The following PTPRG variants were observed in gnomAD, a reference collection of about 807,000 sequenced individuals.
PTPRG encodes protein tyrosine phosphatase receptor type G, also known as receptor-type tyrosine-protein phosphatase gamma.
PTPRG carries 102 observed loss-of-function variants against 165.3 expected under a neutral mutation model. That is an observed-to-expected ratio of 0.62 (90% CI 0.53 to 0.73). PTPRG has a LOEUF of 0.73. Among genes scored for constraint, PTPRG ranks in the 30% least tolerant of loss-of-function variants. PTPRG has a pLI of 0.00. For missense variants in PTPRG, 1,866 were observed against 1,861.4 expected (o/e 1.00, Z -0.05); for synonymous variants, 675 against 669.5 (o/e 1.01, Z -0.13).
chr3:61,691,795 A>C (rs1185280764), intron 1 of PTPRG, among the ~76,000 whole-genome samples: 1 of 152,228 alleles, frequency 6.6e-6, no homozygotes, highest in African/African-American at 2.4e-5. Context: ...TATTTCAGTA[A>C]AATTTTAATA....
chr3:61,621,013 C>A (rs1701435204), intron 1 of PTPRG, among the ~76,000 whole-genome samples: 1 of 125,142 alleles, frequency 8.0e-6, no homozygotes, highest in African/African-American at 2.7e-5. Flanking sequence ...AAATTTGGAC[C>A]CATGCCCCAG....
intron 1 of PTPRG, among the ~76,000 whole-genome samples, chr3:61,694,026 A>G (rs1160619862): frequency 2.7e-5 from 3 of 112,952 alleles, no homozygotes; most frequent in Non-Finnish European, 5.7e-5. Flanking sequence ...AAAAAAAAAA[A>G]GAGAGAGAGA....
chr3:61,685,691 A>G (rs1703603121), intron 1 of PTPRG, among the ~76,000 whole-genome samples: 1 of 152,222 alleles, frequency 6.6e-6, no homozygotes, highest in African/African-American at 2.4e-5. Flanking sequence ...TGCTAGGGCT[A>G]GCTAGAGATA....
intron 2 of PTPRG, among the ~76,000 whole-genome samples, chr3:61,863,413 G>GA (rs374245655): frequency 2.6e-5 from 4 of 151,878 alleles, no homozygotes; most frequent in East Asian, 1.9e-4. Flanking sequence ...ATTAGATAGG[G>GA]AAAAAAAACT....
At chr3:61,982,262 G>A (rs547206371) in intron 2 of PTPRG, among the ~76,000 whole-genome samples, 1 of 152,172 alleles carries the variant, frequency 6.6e-6, no homozygotes, top group East Asian at 1.9e-4. Flanking sequence ...AACTTTGTTA[G>A]TATCTCAGAT....
At position 62,281,650 on chromosome 3, in the gene PTPRG, C is replaced by T; in HGVS notation, c.3853C>T (p.Leu1285=). 6.2e-7 allele frequency: 1 copy of T among 1,607,104 alleles called. No homozygotes were observed. Among genetic ancestry groups the T allele is most frequent in the Non-Finnish European group, 8.5e-7 (1 of 1,176,848 alleles). ...CGTCACCCTTATCAGCAAAGACAGA[C>T]TGTGCCTCTCTAATGAAGAACAAAT... ...FTVTLISKDR[L]CLSNEEQIII... The change falls in exon 27 of 30, where the codon CTG becomes TTG. Residue 1285 remains leucine, a synonymous_variant. Transcript: ENST00000474889.
At chr3:62,276,240 G>C (rs1185562808) in intron 24 of PTPRG, among the ~76,000 whole-genome samples, 3 of 152,120 alleles carry the variant, frequency 2.0e-5, no homozygotes, top group African/African-American at 7.2e-5. Flanking sequence ...GTGTCAGCAA[G>C]TGCTCCATCT....
intron 1 of PTPRG, among the ~76,000 whole-genome samples, chr3:61,587,799 G>A (rs1053865808): frequency 5.3e-5 from 8 of 151,964 alleles, no homozygotes; most frequent in African/African-American, 1.9e-4. Context: ...CAGGACTACA[G>A]GTGCACACCA....
At chr3:61,781,573 A>G (rs950909002) in intron 2 of PTPRG, among the ~76,000 whole-genome samples, 2 of 152,160 alleles carry the variant, frequency 1.3e-5, no homozygotes, top group Non-Finnish European at 2.9e-5. Flanking sequence ...ATGAGGCAAA[A>G]TCACAGGCAA....
chr3:61,992,695 T>C (rs557398106), intron 3 of PTPRG, among the ~76,000 whole-genome samples: 1 of 152,278 alleles, frequency 6.6e-6, no homozygotes, highest in East Asian at 1.9e-4. Context: ...CTAATTTCTG[T>C]ATTTTTAGTA....
chr3:61,562,528 T>G (rs1699785286), intron 1 of PTPRG, among the ~76,000 whole-genome samples, 156 bp downstream of exon 1: 1 of 140,686 alleles, frequency 7.1e-6, no homozygotes. Flanking sequence ...ATTGCTCCGC[T>G]GGCTTGGATG....
Position 62,273,836 on chromosome 3 carries a change from C to T in PTPRG, c.3457C>T (p.Gln1153Ter). Residue 1153 changes from glutamine (Q) to a stop codon, truncating the protein, a stop_gained, in exon 23 of 30, where the codon CAA becomes TAA. Coordinates refer to ENST00000474889, the MANE Select transcript of PTPRG (RefSeq NM_002841.4). LOFTEE classifies it high-confidence loss of function. This position sits in a 1 kb window ranked among gnomAD's most constrained non-coding sequence, Gnocchi z 4.1. ...GVGGKTRLEK[Q>*]FKLVTQCNAK... is the part of the protein sequence containing the mutation. ...AGGAGGAAAGACACGACTGGAAAAG[C>T]AATTCAAGGTAGTGCTTTGAAAAAG... 6 of 1,613,622 alleles carry T rather than the reference C, an allele frequency of 3.7e-6. No individual in the cohort carries two copies. Among genetic ancestry groups the T allele is most frequent in the Non-Finnish European group, 5.1e-6 (6 of 1,179,700 alleles).
Position 62,296,610 on chromosome 3 carries a change from A to G in PTPRG, c.*3303A>G, listed in dbSNP as rs1703070213. ...CCTATGTTCTAAAGTTTATGTTCAA[A>G]TGGTGCCAGTGAATTTTTATATGAA... is the stretch of plus-strand genomic sequence containing the variant. On this transcript the variant is annotated 3_prime_UTR_variant, in exon 30 of 30. Coordinates refer to ENST00000474889, the MANE Select transcript of PTPRG (RefSeq NM_002841.4). 6.6e-6 allele frequency: 1 copy of G among 151,186 alleles called. No homozygotes were observed. The highest frequency in any genetic ancestry group is 1.9e-4 in the East Asian group (1 of 5,164). 9.4% of individuals were successfully genotyped at this position (151,186 alleles called of 1,614,324 possible). A position where few individuals can be genotyped will look rare whatever the true frequency, so the allele number is the denominator to read the frequency against.
intron 2 of PTPRG, chr3:61,925,821 G>A (rs62243237): frequency 0.13 from 58,365 of 463,878 alleles, 6,066 homozygotes; most frequent in East Asian, 0.45. Flanking sequence ...GAGGGGATTA[G>A]GATTCTTATA....
chr3:61,656,027 C>T (rs1464555566), intron 1 of PTPRG, among the ~76,000 whole-genome samples: 2 of 146,880 alleles, frequency 1.4e-5, no homozygotes, highest in African/African-American at 2.6e-5. Flanking sequence ...CCAACGTGGG[C>T]AACATAGCAA....
intron 1 of PTPRG, among the ~76,000 whole-genome samples, chr3:61,564,551 AAGGGAAAGGACAGTGGTGGGAGGCGC>A (rs1559505094): frequency 6.6e-6 from 1 of 152,132 alleles, no homozygotes; most frequent in Non-Finnish European, 1.5e-5. Context: ...GGGTGTGGGA[AAGGGAAAGGACAGTGGTGGGAGGCGC>A]AGGGAAGAGG....
intron 2 of PTPRG, among the ~76,000 whole-genome samples, chr3:61,952,103 C>G (rs2039913089): frequency 8.2e-6 from 1 of 122,554 alleles, no homozygotes. Context: ...GGCGACAGAT[C>G]GACACTCCAC....
intron 2 of PTPRG, among the ~76,000 whole-genome samples, chr3:61,839,487 G>C (rs1262651094): frequency 6.6e-6 from 1 of 152,170 alleles, no homozygotes; most frequent in Non-Finnish European, 1.5e-5. Context: ...TAGAAGGCTG[G>C]AATTTCTGGG....
intron 2 of PTPRG, among the ~76,000 whole-genome samples, chr3:61,926,652 T>A (rs759960136): frequency 1.5e-5 from 2 of 134,906 alleles, no homozygotes; most frequent in Non-Finnish European, 3.1e-5. Context: ...CATCATAAGG[T>A]ATTTTTTTAT....
Sources: allele counts gnomAD v4.1 joint callset (sites outside exome capture counted in the v4.1 genomes callset), GRCh38; gene constraint gnomAD v4.1.1; non-coding constraint Gnocchi (gnomAD v3.1); transcripts MANE v1.5; gene names NCBI Gene and HGNC (gene_info 2026-07-23, HGNC 2026-07-21).